Variants in PALM2AKAP2 observed in about 807,000 individuals in gnomAD.
The protein encoded by PALM2AKAP2 is PALM2-AKAP2 fusion protein.
Under a neutral mutation model 71.5 loss-of-function variants are expected in PALM2AKAP2, and 37 were observed. The ratio of observed to expected loss-of-function variants is 0.52; its 90% confidence interval spans 0.40 to 0.68. The LOEUF (loss-of-function observed/expected upper bound fraction) is 0.68. Among genes scored for constraint, PALM2AKAP2 ranks in the 30% least tolerant of loss-of-function variants. PALM2AKAP2 has a pLI of 0.00. For missense variants in PALM2AKAP2, 1,224 were observed against 1,191.8 expected (o/e 1.03, Z -0.40); for synonymous variants, 468 against 478.8 (o/e 0.98, Z 0.29).
In PALM2AKAP2 at chr9:109,789,004, T is replaced by G. The variant is rs550373384; in HGVS notation, c.45+8471T>G. 2.0e-5 allele frequency among the ~76,000 whole-genome samples: 3 copies of G among 152,356 alleles called. No homozygotes were observed. The East Asian group carries it at 5.8e-4, about 29-fold the overall frequency. Reference sequence around the variant, plus strand: ...CTTTGCTTATCTCGGGAACTTGCTTTAATCTATTTAAATAAAGTGAGATAT... The same window carrying G: ...CTTTGCTTATCTCGGGAACTTGCTTGAATCTATTTAAATAAAGTGAGATAT... On this transcript the variant is annotated intron_variant, in intron 1 of 9. Coordinates refer to the PALM2AKAP2 transcript ENST00000302798.
intron 6 of PALM2AKAP2, among the ~76,000 whole-genome samples, chr9:109,935,674 C>T (rs942433086): frequency 2.6e-5 from 4 of 152,142 alleles, no homozygotes; most frequent in African/African-American, 9.7e-5. Context: ...CAAGCTCCTT[C>T]GATGTAGTTT....
At chr9:110,059,182 G>A (rs1347341227) in intron 1 of PALM2AKAP2, among the ~76,000 whole-genome samples, 1 of 152,134 alleles carries the variant, frequency 6.6e-6, no homozygotes, top group Non-Finnish European at 1.5e-5. Flanking sequence ...TTACAGGTGT[G>A]AGCCACCGCG....
intron 1 of PALM2AKAP2, among the ~76,000 whole-genome samples, chr9:109,693,384 T>G (rs1827925563): frequency 6.6e-6 from 1 of 151,940 alleles, no homozygotes; most frequent in Non-Finnish European, 1.5e-5. Context: ...GTTTTATCAA[T>G]TTTGCTGACT....
At chr9:109,766,839 A>G (rs969197185) in intron 1 of PALM2AKAP2, among the ~76,000 whole-genome samples, 1 of 152,204 alleles carries the variant, frequency 6.6e-6, no homozygotes, top group Non-Finnish European at 1.5e-5. Context: ...TGAGGCACAG[A>G]GAGGTTAAGT....
intron 6 of PALM2AKAP2, among the ~76,000 whole-genome samples, chr9:109,992,552 GGGACTGCA>G (rs1380575835): frequency 6.6e-6 from 1 of 152,102 alleles, no homozygotes; most frequent in Non-Finnish European, 1.5e-5. Context: ...CTGAGTAGTT[GGGACTGCA>G]GGCATGCACC....
intron 6 of PALM2AKAP2, among the ~76,000 whole-genome samples, chr9:110,002,211 G>A (rs1407500245): frequency 6.6e-6 from 1 of 151,790 alleles, no homozygotes; most frequent in Non-Finnish European, 1.5e-5. Context: ...TTTATTGAGA[G>A]TTTTTAGCAT....
intron 1 of PALM2AKAP2, among the ~76,000 whole-genome samples, chr9:109,674,997 A>G (rs75463338): frequency 0.18 from 27,395 of 152,028 alleles, 2,611 homozygotes; most frequent in Middle Eastern, 0.31. Context: ...ATTACATGAG[A>G]TACTCAACAT....
chr9:109,955,049 A>G (rs1230709054), intron 6 of PALM2AKAP2, among the ~76,000 whole-genome samples: 1 of 151,882 alleles, frequency 6.6e-6, no homozygotes, highest in African/African-American at 2.4e-5. Context: ...CTCTTGGCCC[A>G]CTTCCTTTGT....
At chr9:109,883,463 C>G (rs1222652734) in intron 3 of PALM2AKAP2, among the ~76,000 whole-genome samples, 1 of 152,166 alleles carries the variant, frequency 6.6e-6, no homozygotes, top group African/African-American at 2.4e-5. Flanking sequence ...TCTGTAGGAG[C>G]AGGACTGTGG....
chr9:109,927,733 G>T (rs1342883220), intron 5 of PALM2AKAP2, among the ~76,000 whole-genome samples: 1 of 152,100 alleles, frequency 6.6e-6, no homozygotes, highest in East Asian at 1.9e-4. Flanking sequence ...TATACATTCT[G>T]ACACCCACTC....
intron 3 of PALM2AKAP2, among the ~76,000 whole-genome samples, chr9:109,899,221 A>G (rs1203172460): frequency 6.6e-6 from 1 of 151,882 alleles, no homozygotes; most frequent in Admixed American, 6.6e-5. Flanking sequence ...ATTCCTTTTC[A>G]TTGATTCTTA....
chr9:109,780,154 G>A (rs1326413690), upstream of PALM2AKAP2: 1 of 345,914 alleles, frequency 2.9e-6, no homozygotes, highest in Non-Finnish European at 4.1e-6. Context: ...CGTCAGGGCG[G>A]AGAACTAGCG....
chr9:109,932,265 G>A (rs963277363), intron 6 of PALM2AKAP2, among the ~76,000 whole-genome samples: 3 of 152,190 alleles, frequency 2.0e-5, no homozygotes, highest in Non-Finnish European at 4.4e-5. Context: ...CTCCGACTTC[G>A]GGGGAGTCTT....
chr9:110,058,296 A>G (rs1413495539), intron 1 of PALM2AKAP2, among the ~76,000 whole-genome samples: 2 of 152,196 alleles, frequency 1.3e-5, no homozygotes, highest in African/African-American at 4.8e-5. Context: ...GAAGCATGAA[A>G]GATTTCCATT....
intron 2 of PALM2AKAP2, among the ~76,000 whole-genome samples, chr9:110,152,799 A>G (rs1372544295): frequency 1.3e-5 from 2 of 152,188 alleles, no homozygotes; most frequent in African/African-American, 2.4e-5. Context: ...CTAAGATGGC[A>G]CCCAGAATTC....
intron 6 of PALM2AKAP2, among the ~76,000 whole-genome samples, chr9:109,993,093 C>A (rs1210428775): frequency 6.6e-6 from 1 of 150,852 alleles, no homozygotes; most frequent in African/African-American, 2.4e-5. Flanking sequence ...ATGAAGATCC[C>A]TTTTTCTGTC....
intron 2 of PALM2AKAP2, among the ~76,000 whole-genome samples, chr9:109,874,471 T>C (rs1252058689): frequency 2.0e-5 from 3 of 152,202 alleles, no homozygotes; most frequent in Non-Finnish European, 4.4e-5. Context: ...CATGGGATGC[T>C]TGTGAAAGTT....
intron 6 of PALM2AKAP2, among the ~76,000 whole-genome samples, chr9:109,960,862 G>T (rs1007005295): frequency 2.6e-5 from 4 of 152,170 alleles, no homozygotes; most frequent in African/African-American, 9.7e-5. Flanking sequence ...TAGACAAATT[G>T]TCTTCCTATG....
intron 6 of PALM2AKAP2, among the ~76,000 whole-genome samples, chr9:109,969,441 G>A (rs1004109047): frequency 1.3e-5 from 2 of 152,190 alleles, no homozygotes; most frequent in African/African-American, 4.8e-5. Flanking sequence ...ACACACTTAT[G>A]CAAGAAGTGC....
Sources: gnomAD v4.1 joint callset for allele counts (sites outside exome capture counted in the v4.1 genomes callset) on GRCh38, gnomAD v4.1.1 for gene constraint, MANE v1.5 for transcripts, NCBI Gene and HGNC (gene_info 2026-07-23, HGNC 2026-07-21) for gene names.